HORMAD2: variants seen among roughly 807,000 people sequenced by gnomAD.
HORMAD2 encodes the protein HORMA domain containing 2, also known as HORMA domain-containing protein 2.
A neutral mutation model predicts 38.8 loss-of-function variants in HORMAD2; 45 were observed. That is an observed-to-expected ratio of 1.16 (90% confidence interval 0.91 to 1.49). HORMAD2 has a LOEUF of 1.49. Among genes scored for constraint, HORMAD2 ranks in the 40% most tolerant of loss-of-function variants. The pLI is 0.00. For missense variants in HORMAD2, 338 were observed against 367.0 expected (o/e 0.92, Z 0.65); for synonymous variants, 126 against 122.8 (o/e 1.03, Z -0.17).
At chr22:30,139,312 C>CATAT (rs1268092791) in intron 10 of HORMAD2, among the ~76,000 whole-genome samples, 1 of 109,882 alleles carries the variant, frequency 9.1e-6, no homozygotes, top group Non-Finnish European at 1.8e-5. Flanking sequence ...TCTCTACATA[C>CATAT]ATATATATAT....
chr22:30,196,505 G>A, the HORMAD2 span, among the ~76,000 whole-genome samples: 1 of 152,196 alleles, frequency 6.6e-6, no homozygotes, highest in Admixed American at 6.5e-5. Context: ...CAGCGTCAGC[G>A]TTTGACAAAG....
chr22:30,089,348 G>T (rs1391817431), intron 1 of HORMAD2, among the ~76,000 whole-genome samples: 3 of 144,700 alleles, frequency 2.1e-5, no homozygotes, highest in Non-Finnish European at 4.6e-5. Flanking sequence ...AAAATTTGCT[G>T]CTGCTTCTTT....
intron 10 of HORMAD2, among the ~76,000 whole-genome samples, chr22:30,132,137 T>G (rs1279593879): frequency 1.3e-5 from 2 of 152,192 alleles, no homozygotes; most frequent in African/African-American, 2.4e-5. Context: ...AGTCTGATGA[T>G]TTTCATAGCA....
intron 10 of HORMAD2, among the ~76,000 whole-genome samples, chr22:30,162,120 G>A (rs1054571697): frequency 3.9e-5 from 6 of 152,110 alleles, no homozygotes; most frequent in Admixed American, 6.5e-5. Flanking sequence ...TGAGACCAGC[G>A]TGGGCAACAT....
the HORMAD2 span, among the ~76,000 whole-genome samples, chr22:30,204,287 CTGGAGT>C: frequency 1.3e-3 from 203 of 152,302 alleles, 2 homozygotes; most frequent in African/African-American, 4.5e-3. Context: ...AGCCAGCACC[CTGGAGT>C]TGGATCAGTG....
At chr22:30,186,358 C>CTTTTTTTTT in the HORMAD2 span, among the ~76,000 whole-genome samples, 1 of 133,008 alleles carries the variant, frequency 7.5e-6, no homozygotes. Context: ...TCCTTCTGTC[C>CTTTTTTTTT]TTTTTTTTTT....
intron 4 of HORMAD2, 139 bp downstream of exon 4, chr22:30,103,639 TCTG>T (rs373866909): frequency 2.1e-6 from 1 of 469,350 alleles, no homozygotes; most frequent in Non-Finnish European, 3.7e-6. Flanking sequence ...TTTTTCTTTT[TCTG>T]TTTTTGATTT....
Position 30,103,502 on chromosome 22 carries a change from T to A in HORMAD2, c.257+2T>A, listed in dbSNP as rs1221783632. On this transcript the variant is annotated splice_donor_variant, in intron 4 of 10. Coordinates refer to ENST00000336726, the MANE Select transcript of HORMAD2 (RefSeq NM_152510.4). LOFTEE classifies it high-confidence loss of function. ...CGGGTCACTGCATATTATCAGATGG[T>A]AAGTAATAGAAATTCTATAAAAGTT... 1 of 1,457,154 alleles carries A rather than the reference T, an allele frequency of 6.9e-7. No homozygotes were observed. The allele number at this position is 1,457,154 out of a possible 1,614,324, so 90.3% of individuals were successfully genotyped here.
chr22:30,082,668 C>CAT (rs2068504112), intron 1 of HORMAD2, among the ~76,000 whole-genome samples: 1 of 151,498 alleles, frequency 6.6e-6, no homozygotes, highest in African/African-American at 2.4e-5. Flanking sequence ...GTGGTGCATG[C>CAT]ATATAGTCTC....
chr22:30,201,839 T>TG, the HORMAD2 span, among the ~76,000 whole-genome samples: 1 of 152,212 alleles, frequency 6.6e-6, no homozygotes, highest in African/African-American at 2.4e-5. Flanking sequence ...AGATGTACAT[T>TG]GAAAAAAAGC....
At chr22:30,081,732 C>T (rs954482717) in intron 1 of HORMAD2, among the ~76,000 whole-genome samples, 2 of 151,964 alleles carry the variant, frequency 1.3e-5, no homozygotes, top group African/African-American at 2.4e-5. Flanking sequence ...TGCACCACCA[C>T]GCCCAGCTAA....
chr22:30,151,596 C>G (rs1210505372), intron 10 of HORMAD2, among the ~76,000 whole-genome samples: 2 of 152,112 alleles, frequency 1.3e-5, no homozygotes, highest in African/African-American at 4.8e-5. Context: ...AATATTAGCT[C>G]ATAGTCCTCC....
downstream of HORMAD2, among the ~76,000 whole-genome samples, chr22:30,178,000 T>G (rs2123754798): frequency 6.6e-6 from 1 of 152,276 alleles, no homozygotes; most frequent in Admixed American, 6.5e-5. Flanking sequence ...TTTTTAACTC[T>G]ACAATTGTCA....
At chr22:30,110,672 C>G (rs1435213364) in intron 5 of HORMAD2, among the ~76,000 whole-genome samples, 1 of 152,002 alleles carries the variant, frequency 6.6e-6, no homozygotes, top group Non-Finnish European at 1.5e-5. Context: ...AGGCGTGAAC[C>G]ACCGCACCCG....
intron 10 of HORMAD2, among the ~76,000 whole-genome samples, chr22:30,128,602 T>G (rs1363128733): frequency 3.9e-5 from 6 of 152,130 alleles, no homozygotes; most frequent in African/African-American, 1.4e-4. Context: ...GGAGTGAAAT[T>G]TACAGAGCTT....
intron 1 of HORMAD2, 33 bp downstream of exon 1, chr22:30,080,524 A>G (rs982721894): frequency 6.6e-6 from 1 of 152,368 alleles, no homozygotes; most frequent in Non-Finnish European, 1.5e-5. Context: ...GTCTCGGCCC[A>G]GAGAGGGCAC....
At chr22:30,177,712 G>A, downstream of HORMAD2, among the ~76,000 whole-genome samples, 1 of 141,440 alleles carries the variant, frequency 7.1e-6, no homozygotes, top group Non-Finnish European at 1.5e-5. Flanking sequence ...TTATAAGGAG[G>A]AGCTTTTTTT....
At chr22:30,111,750 G>A in intron 5 of HORMAD2, 46 bp from the exon 6 acceptor site, 1 of 1,408,698 alleles carries the variant, frequency 7.1e-7, no homozygotes, top group South Asian at 1.3e-5. Context: ...TGATAATATA[G>A]GTGCAAGTAT....
intron 1 of HORMAD2, among the ~76,000 whole-genome samples, chr22:30,088,106 CG>C: frequency 7.8e-6 from 1 of 128,862 alleles, no homozygotes; most frequent in Middle Eastern, 3.7e-3. Flanking sequence ...CACGTACACA[CG>C]TGTACATATA....
Sources: allele counts gnomAD v4.1 joint callset (sites outside exome capture counted in the v4.1 genomes callset), GRCh38; gene constraint gnomAD v4.1.1; transcripts MANE v1.5; gene names NCBI Gene and HGNC (gene_info 2026-07-23, HGNC 2026-07-21).